The following STAU2 variants were observed in gnomAD, a reference collection of about 807,000 sequenced individuals.
The protein encoded by STAU2 is double-stranded RNA-binding protein Staufen homolog 2.
Under a neutral mutation model 65.9 loss-of-function variants are expected in STAU2, and 20 were observed. The ratio of observed to expected loss-of-function variants is 0.30; its 90% CI spans 0.21 to 0.44. STAU2 has a LOEUF of 0.44. Ranked by LOEUF, STAU2 falls within the 20% of genes least tolerant of loss-of-function variation. The probability of loss-of-function intolerance (pLI) is 1.00; values close to 1 mark genes in which losing one functional copy is unlikely to be tolerated. For synonymous variants in STAU2, 232 were observed against 233.9 expected, an observed-to-expected ratio of 0.99 and a Z score of 0.07; for missense variants, 558 against 683.9, an observed-to-expected ratio of 0.82 and a Z score of 2.05.
intron 12 of STAU2, among the ~76,000 whole-genome samples, chr8:73,559,603 T>A (rs2128948222): frequency 6.6e-6 from 1 of 152,326 alleles, no homozygotes; most frequent in South Asian, 2.1e-4. Context: ...TAAGAGTACA[T>A]GTGACCCAAG....
intron 5 of STAU2, 61 bp from the exon 6 acceptor site, chr8:73,673,303 A>G: frequency 6.3e-6 from 9 of 1,434,102 alleles, no homozygotes; most frequent in South Asian, 1.6e-5. Flanking sequence ...TAAACATGCA[A>G]GCTATATTTA....
intron 13 of STAU2, among the ~76,000 whole-genome samples, chr8:73,543,484 G>A (rs1806688850): frequency 1.3e-5 from 2 of 152,152 alleles, no homozygotes; most frequent in Non-Finnish European, 2.9e-5. Flanking sequence ...CTAAGTCATG[G>A]TTTATATTTT....
rs544893687 is a variant in STAU2 at position 73,464,056 on chromosome 8, A to T, written c.1531-41354T>A. On this transcript the variant is annotated intron_variant, in intron 13 of 14. Coordinates refer to ENST00000524300, the MANE Select transcript of STAU2 (RefSeq NM_001164380.2). ...TTTGGTAAAGAATTTGGATTTCGAG[A>T]CAACAGTTTACAATGGGCCTGATAA... Among the ~76,000 whole-genome samples, 7 of 152,330 alleles carry T rather than the reference A, an allele frequency of 4.6e-5. No individual in the cohort carries two copies. In the South Asian group the frequency reaches 1.2e-3, roughly 27 times the overall value.
rs1244734484 is a variant in STAU2, at chr8:73,500,958, C to G, written c.1530+51054G>C. Among the ~76,000 whole-genome samples the G allele has an allele frequency of 4.6e-5, 7 of 151,972 alleles. No individual in the cohort carries two copies. The South Asian group carries it at 1.2e-3, about 27-fold the overall frequency. Reference sequence around the variant, plus strand: ...TAACTAAACCAAAGAGACAACTTTACTCATTTCAAAATGTTTTATTATAAC... The same window carrying G: ...TAACTAAACCAAAGAGACAACTTTAGTCATTTCAAAATGTTTTATTATAAC... On this transcript the variant is annotated intron_variant, in intron 13 of 14. Coordinates refer to ENST00000524300, the MANE Select transcript of STAU2 (RefSeq NM_001164380.2).
At chr8:73,711,497 G>A (rs1236452716) in intron 3 of STAU2, among the ~76,000 whole-genome samples, 1 of 152,104 alleles carries the variant, frequency 6.6e-6, no homozygotes, top group Non-Finnish European at 1.5e-5. Context: ...TACCACCACT[G>A]TGTAATTTTC....
intron 5 of STAU2, among the ~76,000 whole-genome samples, chr8:73,688,371 G>T (rs1819090617): frequency 6.6e-6 from 1 of 150,800 alleles, no homozygotes; most frequent in African/African-American, 2.4e-5. Context: ...TCACCATGTT[G>T]GCCAGGATGG....
In STAU2 at chr8:73,537,299, T is replaced by C. The variant is rs1449369887; in HGVS notation, c.1530+14713A>G. Among the ~76,000 whole-genome samples the C allele has an allele frequency of 8.6e-5, 12 of 138,800 alleles. No homozygotes were observed. The Admixed American group carries it at 8.9e-4, about 10-fold the overall frequency. The allele number at this position is 138,800 out of a possible 152,430, so 91.1% of individuals were successfully genotyped here. A position where few individuals can be genotyped will look rare whatever the true frequency, so the allele number is the denominator to read the frequency against. On this transcript the variant is annotated intron_variant, in intron 13 of 14. Transcript: ENST00000524300. ...ATCAGAGTCCCAGAAGGAAAAGAGATGAGTGGGACTGAAAAAAATTCAAAA... is the reference window on the plus strand; with the variant it reads ...ATCAGAGTCCCAGAAGGAAAAGAGACGAGTGGGACTGAAAAAAATTCAAAA...
intron 12 of STAU2, among the ~76,000 whole-genome samples, chr8:73,565,997 T>C (rs1808574719): frequency 6.6e-6 from 1 of 152,236 alleles, no homozygotes; most frequent in South Asian, 2.1e-4. Context: ...TAATGTTCTG[T>C]ATTAACACAA....
chr8:73,422,675 A>C lies in STAU2; in HGVS notation c.1558T>G (p.Ser520Ala). ...TCGATTGGATCCAGTCCTTGTTCAG[A>C]AAATTGTTTCAAGGCACTTAAGGCT... ...QAALSALKQFSEQGLDPIDGA... is the reference protein window; with the variant it reads ...QAALSALKQFAEQGLDPIDGA... Residue 520 changes from serine (S) to alanine (A), a missense_variant, in exon 14 of 15, where the codon TCT becomes GCT. Coordinates refer to ENST00000524300, the MANE Select transcript of STAU2 (RefSeq NM_001164380.2). 6.6e-7 allele frequency: 1 copy of C among 1,506,578 alleles called. No individual in the cohort carries two copies. Among genetic ancestry groups the C allele is most frequent in the Non-Finnish European group, 8.8e-7 (1 of 1,135,410 alleles). The allele number at this position is 1,506,578 out of a possible 1,614,324, so 93.3% of individuals were successfully genotyped here. A position where few individuals can be genotyped will look rare whatever the true frequency, so the allele number is the denominator to read the frequency against.
chr8:73,621,991 C>G (rs1813281085), intron 6 of STAU2, among the ~76,000 whole-genome samples: 2 of 146,668 alleles, frequency 1.4e-5, no homozygotes, highest in Non-Finnish European at 3.0e-5. Flanking sequence ...AAGTCTCGCT[C>G]TGCTGCCCAG....
chr8:73,435,588 A>T (rs567821365), intron 13 of STAU2, among the ~76,000 whole-genome samples: 1 of 152,038 alleles, frequency 6.6e-6, no homozygotes, highest in East Asian at 1.9e-4. Context: ...GCAAAGGGAT[A>T]AAAAGTCCTA....
intron 3 of STAU2, among the ~76,000 whole-genome samples, chr8:73,731,552 T>C (rs996335607): frequency 9.9e-5 from 15 of 152,172 alleles, no homozygotes; most frequent in Non-Finnish European, 7.3e-5. Flanking sequence ...CTAAAAGCTA[T>C]TGTTTATATA....
At chr8:73,580,452 C>G (rs905162171) in intron 12 of STAU2, among the ~76,000 whole-genome samples, 1 of 152,128 alleles carries the variant, frequency 6.6e-6, no homozygotes, top group Non-Finnish European at 1.5e-5. Flanking sequence ...TCCTGTCTTC[C>G]CCCACATGTG....
At chr8:73,547,065 C>A (rs998935622) in intron 13 of STAU2, among the ~76,000 whole-genome samples, 1 of 152,122 alleles carries the variant, frequency 6.6e-6, no homozygotes, top group African/African-American at 2.4e-5. Context: ...AAATGATAAT[C>A]ATCTTTTTCT....
intron 6 of STAU2, among the ~76,000 whole-genome samples, chr8:73,642,908 C>T (rs1387329993): frequency 6.6e-6 from 1 of 152,146 alleles, no homozygotes; most frequent in Non-Finnish European, 1.5e-5. Context: ...GTTGGAACAG[C>T]AGGGAGCAGC....
intron 13 of STAU2, among the ~76,000 whole-genome samples, chr8:73,500,328 T>A (rs1821673084): frequency 6.6e-6 from 1 of 151,962 alleles, no homozygotes; most frequent in Non-Finnish European, 1.5e-5. Context: ...ACCACTTCGT[T>A]GGTGTGGATT....
At chr8:73,452,599 T>C (rs1223224399) in intron 13 of STAU2, among the ~76,000 whole-genome samples, 4 of 152,218 alleles carry the variant, frequency 2.6e-5, no homozygotes, top group African/African-American at 9.6e-5. Context: ...CGTCTGTGCC[T>C]TAAGCAATAA....
At chr8:73,648,641 G>T (rs1815575918) in intron 6 of STAU2, among the ~76,000 whole-genome samples, 2 of 152,088 alleles carry the variant, frequency 1.3e-5, no homozygotes, top group Admixed American at 6.5e-5. Flanking sequence ...CTGTCAGCAT[G>T]GTGATAAGTA....
At chr8:73,435,365 C>A (rs776853538) in intron 13 of STAU2, among the ~76,000 whole-genome samples, 1 of 151,882 alleles carries the variant, frequency 6.6e-6, no homozygotes, top group Non-Finnish European at 1.5e-5. Context: ...AGAACATCCT[C>A]AAAAAATATT....
Sources: gnomAD v4.1 joint callset for allele counts (sites outside exome capture counted in the v4.1 genomes callset) on GRCh38, gnomAD v4.1.1 for gene constraint, MANE v1.5 for transcripts, NCBI Gene and HGNC (gene_info 2026-07-23, HGNC 2026-07-21) for gene names.